The following COL24A1 variants were observed in gnomAD, a reference collection of about 807,000 sequenced individuals.
The protein encoded by COL24A1 is collagen alpha-1(XXIV) chain.
A neutral mutation model predicts 253.9 loss-of-function variants in COL24A1; 224 were observed. The ratio of observed to expected loss-of-function variants is 0.88; its 90% CI spans 0.79 to 0.99. The LOEUF is 0.99. Ranked by LOEUF, COL24A1 falls within the 50% of genes least tolerant of loss-of-function variation. COL24A1 has a pLI of 0.00. For synonymous variants in COL24A1, 685 were observed against 673.7 expected (o/e 1.02, Z -0.26); for missense variants, 2,131 against 2,068.5 (o/e 1.03, Z -0.59).
At chr1:85,985,055 TTAA>T (rs1693602200) in intron 20 of COL24A1, among the ~76,000 whole-genome samples, 1 of 151,916 alleles carries the variant, frequency 6.6e-6, no homozygotes, top group Non-Finnish European at 1.5e-5. Context: ...ATAAAATCAA[TTAA>T]TCTTTCTCAA....
At chr1:85,887,503 T>A (rs989503366) in intron 32 of COL24A1, among the ~76,000 whole-genome samples, 3 of 151,984 alleles carry the variant, frequency 2.0e-5, no homozygotes, top group Non-Finnish European at 4.4e-5. Flanking sequence ...GGCAAGACAG[T>A]AAGTATTTTA....
intron 53 of COL24A1, among the ~76,000 whole-genome samples, chr1:85,763,236 G>A (rs1180516692): frequency 2.6e-5 from 4 of 151,842 alleles, no homozygotes; most frequent in African/African-American, 4.8e-5. Context: ...GGGCAACATA[G>A]TGAAACCCCA....
intron 52 of COL24A1, among the ~76,000 whole-genome samples, chr1:85,779,499 G>C (rs1464401690): frequency 6.6e-6 from 1 of 152,052 alleles, no homozygotes; most frequent in Non-Finnish European, 1.5e-5. Context: ...TAGAGACATA[G>C]AGATATAAGA....
intron 35 of COL24A1, 88 bp from the exon 36 acceptor site, chr1:85,868,923 A>C: frequency 1.2e-6 from 1 of 851,524 alleles, no homozygotes; most frequent in Non-Finnish European, 1.8e-6. Flanking sequence ...ATATATGGAA[A>C]ATAGCAAATT....
chr1:85,949,259 C>A, intron 24 of COL24A1, among the ~76,000 whole-genome samples: 1 of 152,112 alleles, frequency 6.6e-6, no homozygotes, highest in East Asian at 1.9e-4. Context: ...GGAAGGGAAA[C>A]ACAGATTCTT....
chr1:85,895,453 C>T (rs1683581610), intron 31 of COL24A1, among the ~76,000 whole-genome samples: 1 of 152,086 alleles, frequency 6.6e-6, no homozygotes, highest in Admixed American at 6.6e-5. Context: ...TTATATGTCA[C>T]ACCATTTTAT....
intron 24 of COL24A1, among the ~76,000 whole-genome samples, chr1:85,941,620 T>C (rs369342183): frequency 8.8e-5 from 6 of 67,798 alleles, no homozygotes; most frequent in African/African-American, 2.4e-4. Flanking sequence ...ACGAGACATG[T>C]ACTTTTTTTT....
At chr1:86,017,483 T>A (rs890891312) in intron 18 of COL24A1, among the ~76,000 whole-genome samples, 1 of 152,190 alleles carries the variant, frequency 6.6e-6, no homozygotes. Context: ...TGTTTATATG[T>A]GTTTCACAGA....
rs139273544 is a variant in COL24A1, at chr1:85,952,523, TTAATGA to T, written c.2562+8720_2562+8725del. Reference sequence around the variant, plus strand: ...TCATCACATTTGTGTTTAATGTTTCTTAATGATAAAAGACAAATTAGGCAGAATCAC... The same window carrying T: ...TCATCACATTTGTGTTTAATGTTTCTTAAAAGACAAATTAGGCAGAATCAC... On this transcript the variant is annotated intron_variant, in intron 24 of 59. Coordinates refer to ENST00000370571, the MANE Select transcript of COL24A1 (RefSeq NM_152890.7). 2.4e-3 allele frequency among the ~76,000 whole-genome samples: 370 copies of T among 152,386 alleles called. 1 individual carries two copies. The highest frequency in any genetic ancestry group is 7.3e-3 in the African/African-American group (305 of 41,598).
intron 43 of COL24A1, among the ~76,000 whole-genome samples, chr1:85,829,808 C>A (rs867744668): frequency 0.021 from 3,220 of 151,918 alleles, 126 homozygotes; most frequent in African/African-American, 0.074. Flanking sequence ...ATTGGTTATT[C>A]TAGTTATACA....
chr1:86,060,110 A>T (rs1700971388), intron 8 of COL24A1, among the ~76,000 whole-genome samples: 1 of 152,180 alleles, frequency 6.6e-6, no homozygotes, highest in Non-Finnish European at 1.5e-5. Context: ...GGGAAGGCTG[A>T]TAGATGGAGA....
intron 18 of COL24A1, among the ~76,000 whole-genome samples, chr1:86,020,070 T>A (rs1697370092): frequency 7.1e-6 from 1 of 141,226 alleles, no homozygotes; most frequent in African/African-American, 2.6e-5. Context: ...TCTTTTTTTT[T>A]TTTTTTTTTT....
At chr1:86,124,397 G>A (rs184761240) in intron 3 of COL24A1, among the ~76,000 whole-genome samples, 183 of 151,948 alleles carry the variant, frequency 1.2e-3, no homozygotes, top group Admixed American at 0.011. Context: ...TCCATTTGAT[G>A]CTATTTTGCT....
intron 40 of COL24A1, 99 bp downstream of exon 40, chr1:85,842,241 G>T (rs1676693261): frequency 6.0e-6 from 8 of 1,331,812 alleles, no homozygotes; most frequent in Non-Finnish European, 8.5e-6. Context: ...TGTTAGAAAG[G>T]TTTATCAGAG....
intron 11 of COL24A1, among the ~76,000 whole-genome samples, chr1:86,047,645 T>G (rs1197915085): frequency 2.6e-5 from 4 of 152,052 alleles, no homozygotes; most frequent in Non-Finnish European, 4.4e-5. Context: ...TCTTCATGTA[T>G]ATATACATAT....
chr1:85,764,464 ACACAC>A (rs1667158150), intron 53 of COL24A1, among the ~76,000 whole-genome samples: 1 of 24,842 alleles, frequency 4.0e-5, no homozygotes, highest in Non-Finnish European at 7.5e-5. Context: ...ATACACACAC[ACACAC>A]ACACACACAC....
intron 32 of COL24A1, among the ~76,000 whole-genome samples, chr1:85,884,690 C>A (rs1350937443): frequency 6.6e-6 from 1 of 152,148 alleles, no homozygotes; most frequent in African/African-American, 2.4e-5. Context: ...GTTTTCCTTT[C>A]CCAAAGGTCA....
intron 24 of COL24A1, among the ~76,000 whole-genome samples, chr1:85,950,773 G>A (rs1689819646): frequency 6.6e-6 from 1 of 152,174 alleles, no homozygotes. Flanking sequence ...ATAGAAACAT[G>A]TATAAAATAC....
intron 47 of COL24A1, among the ~76,000 whole-genome samples, chr1:85,816,269 T>G (rs943076011): frequency 2.0e-5 from 3 of 152,182 alleles, no homozygotes. Flanking sequence ...GTAGTTAATA[T>G]ATAGCATGAA....
Sources: gnomAD v4.1 joint callset for allele counts (sites outside exome capture counted in the v4.1 genomes callset) on GRCh38, gnomAD v4.1.1 for gene constraint, MANE v1.5 for transcripts, NCBI Gene and HGNC (gene_info 2026-07-23, HGNC 2026-07-21) for gene names.